The following DSCAM variants were observed in gnomAD, a reference collection of about 807,000 sequenced individuals.
DSCAM encodes the protein DS cell adhesion molecule, also known as cell adhesion molecule DSCAM.
In DSCAM, 47 loss-of-function variants were observed where a neutral mutation model predicts 217.7. The ratio of observed to expected loss-of-function variants is 0.22; its 90% CI spans 0.17 to 0.28. The LOEUF (loss-of-function observed/expected upper bound fraction) is 0.28, where lower values mean the gene tolerates loss of function less well. DSCAM is among the 10% of genes least tolerant of loss of function. The pLI is 1.00. For missense variants in DSCAM, 2,080 were observed against 2,618.3 expected, an observed-to-expected ratio of 0.79 and a Z score of 4.49; for synonymous variants, 1,056 against 1,015.3, an observed-to-expected ratio of 1.04 and a Z score of -0.76.
intron 2 of DSCAM, among the ~76,000 whole-genome samples, chr21:40,694,625 T>C (rs1168324421): frequency 3.3e-5 from 5 of 152,026 alleles, no homozygotes; most frequent in Non-Finnish European, 5.9e-5. Context: ...TTTCCAAGTA[T>C]TGAAATCTTC....
At chr21:40,693,567 TC>T (rs372103137) in intron 2 of DSCAM, among the ~76,000 whole-genome samples, 298 of 152,074 alleles carry the variant, frequency 2.0e-3, no homozygotes, top group Middle Eastern at 3.4e-3. Flanking sequence ...CTGCTATTAG[TC>T]CTCTAAGGGC....
chr21:40,667,402 T>C (rs1290702574), intron 3 of DSCAM, among the ~76,000 whole-genome samples: 1 of 152,228 alleles, frequency 6.6e-6, no homozygotes, highest in Non-Finnish European at 1.5e-5. Context: ...TATTTGTATT[T>C]AAACATACTA....
intron 14 of DSCAM, among the ~76,000 whole-genome samples, chr21:40,186,286 G>T (rs190623813): frequency 6.6e-6 from 1 of 152,046 alleles, no homozygotes; most frequent in African/African-American, 2.4e-5. Flanking sequence ...ATATTAGATG[G>T]GTCACAACTG....
chr21:40,825,592 C>G (rs901917671), intron 1 of DSCAM, among the ~76,000 whole-genome samples: 22 of 152,174 alleles, frequency 1.4e-4, no homozygotes, highest in Non-Finnish European at 2.9e-5. Context: ...TGCTGGGTTA[C>G]AGGCATGAGC....
intron 3 of DSCAM, among the ~76,000 whole-genome samples, chr21:40,399,167 G>A (rs2075209637): frequency 6.6e-6 from 1 of 152,180 alleles, no homozygotes; most frequent in African/African-American, 2.4e-5. Context: ...CTACTTGGGA[G>A]GCTGAGGCAG....
At chr21:40,215,331 A>C (rs1182862329) in intron 11 of DSCAM, among the ~76,000 whole-genome samples, 2 of 148,682 alleles carry the variant, frequency 1.3e-5, no homozygotes, top group African/African-American at 4.9e-5. Flanking sequence ...GTTCATACAC[A>C]ACTTACCCAT....
At chr21:40,231,831 A>C (rs929762538) in intron 11 of DSCAM, among the ~76,000 whole-genome samples, 3 of 152,150 alleles carry the variant, frequency 2.0e-5, no homozygotes, top group African/African-American at 7.2e-5. Context: ...TAAAGATGAG[A>C]ATGATGGCCT....
At chr21:40,423,761 T>C (rs988649030) in intron 3 of DSCAM, among the ~76,000 whole-genome samples, 1 of 152,144 alleles carries the variant, frequency 6.6e-6, no homozygotes, top group Non-Finnish European at 1.5e-5. Flanking sequence ...GTAACTCAGA[T>C]ACCATCCACC....
At chr21:40,508,770 TATATATATATATA>T (rs1366683417) in intron 3 of DSCAM, among the ~76,000 whole-genome samples, 18 of 6,052 alleles carry the variant, frequency 3.0e-3, no homozygotes, top group East Asian at 4.6e-3. Flanking sequence ...TATATATATA[TATATATATATATA>T]TTTTTTTTTT....
intron 6 of DSCAM, among the ~76,000 whole-genome samples, chr21:40,347,396 C>A (rs548349740): frequency 6.6e-6 from 1 of 152,142 alleles, no homozygotes; most frequent in East Asian, 1.9e-4. Flanking sequence ...CAAGTTTCTT[C>A]TAAGATTTAA....
intron 3 of DSCAM, among the ~76,000 whole-genome samples, chr21:40,424,258 G>C (rs988755775): frequency 2.0e-5 from 3 of 152,124 alleles, no homozygotes; most frequent in Non-Finnish European, 2.9e-5. Flanking sequence ...TCAAAACATG[G>C]CTTTACTTGG....
intron 11 of DSCAM, among the ~76,000 whole-genome samples, chr21:40,264,719 G>T (rs907596245): frequency 6.6e-6 from 1 of 152,140 alleles, no homozygotes; most frequent in Admixed American, 6.5e-5. Flanking sequence ...TCAGGAAAGA[G>T]AAAGAAATCA....
chr21:40,642,254 T>G (rs2089891719), intron 3 of DSCAM, among the ~76,000 whole-genome samples: 1 of 151,794 alleles, frequency 6.6e-6, no homozygotes, highest in African/African-American at 2.4e-5. Context: ...GCTTCCCTGG[T>G]GAAGAGGGGC....
chr21:40,598,782 C>T (rs754445650), intron 3 of DSCAM, among the ~76,000 whole-genome samples: 5 of 152,034 alleles, frequency 3.3e-5, no homozygotes, highest in Admixed American at 6.6e-5. Context: ...GGATTACAGG[C>T]GTGAGCCACC....
chr21:40,440,057 T>C (rs1424582753), intron 3 of DSCAM, among the ~76,000 whole-genome samples: 1 of 12,974 alleles, frequency 7.7e-5, no homozygotes. Context: ...ATTTTGTGAC[T>C]GTAAAGCAAC....
At chr21:40,336,696 T>C (rs2074432943) in intron 8 of DSCAM, among the ~76,000 whole-genome samples, 1 of 152,246 alleles carries the variant, frequency 6.6e-6, no homozygotes, top group African/African-American at 2.4e-5. Context: ...ATGTTTTAAT[T>C]CTCTGCATAG....
chr21:40,275,423 C>T (rs1016198086), intron 11 of DSCAM, among the ~76,000 whole-genome samples: 1 of 152,116 alleles, frequency 6.6e-6, no homozygotes, highest in Non-Finnish European at 1.5e-5. Flanking sequence ...GGGCATAAGC[C>T]ATTCACTGTA....
chr21:40,072,570 G>A (rs570268450), intron 27 of DSCAM, among the ~76,000 whole-genome samples: 3,746 of 151,944 alleles, frequency 0.025, 66 homozygotes, highest in Non-Finnish European at 0.038. Flanking sequence ...GGATGGTCTC[G>A]ATCTCCTGAC....
chr21:40,809,173 G>A (rs1193583997), intron 1 of DSCAM, among the ~76,000 whole-genome samples: 4 of 152,204 alleles, frequency 2.6e-5, no homozygotes, highest in African/African-American at 2.4e-5. Context: ...GGGTTCCCCA[G>A]GTCAGCACAG....
Sources: gnomAD v4.1 joint callset for allele counts (sites outside exome capture counted in the v4.1 genomes callset) on GRCh38, gnomAD v4.1.1 for gene constraint, MANE v1.5 for transcripts, NCBI Gene and HGNC (gene_info 2026-07-23, HGNC 2026-07-21) for gene names.